Variants in PARPBP observed in about 807,000 individuals in gnomAD.
PARPBP encodes the protein PCNA-interacting partner.
PARPBP carries 52 observed loss-of-function variants against 50.0 expected under a neutral mutation model. The observed-to-expected ratio is 1.04, with a 90% confidence interval of 0.83 to 1.31. The LOEUF (loss-of-function observed/expected upper bound fraction) is 1.31. Among genes scored for constraint, PARPBP ranks in the 50% most tolerant of loss-of-function variants. PARPBP has a pLI of 0.00. For synonymous variants in PARPBP, 244 were observed against 232.1 expected, an observed-to-expected ratio of 1.05 and a Z score of -0.47; for missense variants, 697 against 672.0, an observed-to-expected ratio of 1.04 and a Z score of -0.41.
At chr12:102,157,950 C>T (rs553443394) in intron 4 of PARPBP, among the ~76,000 whole-genome samples, 1 of 151,846 alleles carries the variant, frequency 6.6e-6, no homozygotes, top group South Asian at 2.1e-4. Context: ...GAACCCTCGT[C>T]TCTACTAAAA....
intron 4 of PARPBP, among the ~76,000 whole-genome samples, chr12:102,155,838 C>T (rs984452956): frequency 6.6e-6 from 1 of 152,196 alleles, no homozygotes; most frequent in Non-Finnish European, 1.5e-5. Context: ...CCGCTGTGCT[C>T]CTGATCTAGC....
chr12:102,147,338 T>G (rs1285259630), intron 2 of PARPBP, among the ~76,000 whole-genome samples: 7 of 152,080 alleles, frequency 4.6e-5, no homozygotes, highest in Non-Finnish European at 7.4e-5. Context: ...AATGATAGAC[T>G]GGATTAAGAA....
intron 2 of PARPBP, among the ~76,000 whole-genome samples, chr12:102,133,156 AC>A (rs750833753): frequency 7.2e-5 from 11 of 151,918 alleles, no homozygotes; most frequent in Non-Finnish European, 1.3e-4. Flanking sequence ...TTACCTAACC[AC>A]TCTGGCTACA....
intron 2 of PARPBP, among the ~76,000 whole-genome samples, chr12:102,147,727 A>T (rs560284210): frequency 4.8e-5 from 7 of 145,272 alleles, no homozygotes; most frequent in East Asian, 1.9e-4. Flanking sequence ...ATAATAAAAT[A>T]AAAAAAATTA....
chr12:102,169,261 C>T (rs1888451404), intron 6 of PARPBP, among the ~76,000 whole-genome samples: 1 of 152,164 alleles, frequency 6.6e-6, no homozygotes, highest in South Asian at 2.1e-4. Context: ...ATACGTCATT[C>T]TCTTATTTTC....
At chr12:102,136,470 A>G (rs1214700278) in intron 2 of PARPBP, among the ~76,000 whole-genome samples, 1 of 152,226 alleles carries the variant, frequency 6.6e-6, no homozygotes, top group South Asian at 2.1e-4. Flanking sequence ...ACCCTGAAAA[A>G]CATTTAACCC....
At chr12:102,160,905 G>C (rs1371315808) in intron 4 of PARPBP, among the ~76,000 whole-genome samples, 1 of 151,454 alleles carries the variant, frequency 6.6e-6, no homozygotes, top group Non-Finnish European at 1.5e-5. Flanking sequence ...CCGAGATCGT[G>C]TCATTGCACT....
At chr12:102,163,071 T>C (rs1315999292) in intron 4 of PARPBP, among the ~76,000 whole-genome samples, 2 of 152,374 alleles carry the variant, frequency 1.3e-5, no homozygotes, top group South Asian at 2.1e-4. Context: ...GTTTTGCATA[T>C]GGATGACCAA....
At position 102,178,732 on chromosome 12, in the gene PARPBP, A is replaced by C; in HGVS notation, c.1146A>C (p.Thr382=). Residue 382 remains threonine, a synonymous_variant, in exon 8 of 11, where the codon ACA becomes ACC. Transcript: ENST00000327680. The part of the protein sequence containing the change: ...KAELLYDEEN[T]IHHHGTSILT... ...AGCTTTTATATGATGAGGAAAACAC[A>C]ATCCATCATCATGGAACGTCTATTC... The C allele has an allele frequency of 1.2e-6, 2 of 1,612,404 alleles. No homozygotes were observed. Among genetic ancestry groups the C allele is most frequent in the Non-Finnish European group, 1.7e-6 (2 of 1,179,078 alleles).
At chr12:102,183,670 CAT>C (rs1315857191) in intron 9 of PARPBP, among the ~76,000 whole-genome samples, 24 of 152,164 alleles carry the variant, frequency 1.6e-4, no homozygotes, top group African/African-American at 5.5e-4. Flanking sequence ...AGAAGTGTAA[CAT>C]ATCAAAAAAA....
At chr12:102,137,200 G>T (rs181444295) in intron 2 of PARPBP, among the ~76,000 whole-genome samples, 1 of 152,166 alleles carries the variant, frequency 6.6e-6, no homozygotes, top group Non-Finnish European at 1.5e-5. Flanking sequence ...TGATCCACCC[G>T]CCTCGGCCTC....
At chr12:102,134,238 CAAAA>C (rs771158918) in intron 2 of PARPBP, among the ~76,000 whole-genome samples, 3 of 91,334 alleles carry the variant, frequency 3.3e-5, no homozygotes, top group African/African-American at 1.2e-4. Context: ...AGAGAAGCCT[CAAAA>C]AAAAAAAAAA....
At chr12:102,165,702 A>T in intron 5 of PARPBP, 27 bp from the exon 6 acceptor site, 1 of 1,562,522 alleles carries the variant, frequency 6.4e-7, no homozygotes, top group East Asian at 2.2e-5. Flanking sequence ...CACTGGACAT[A>T]ACTTATCCGT....
At chr12:102,193,371 T>A (rs1034408430) in intron 9 of PARPBP, among the ~76,000 whole-genome samples, 24 of 152,068 alleles carry the variant, frequency 1.6e-4, no homozygotes, top group Admixed American at 1.6e-3. Context: ...GAATATTTTA[T>A]GGGTGGTGCT....
intron 9 of PARPBP, among the ~76,000 whole-genome samples, chr12:102,194,929 A>T (rs1891136074): frequency 6.6e-6 from 1 of 151,516 alleles, no homozygotes; most frequent in South Asian, 2.1e-4. Flanking sequence ...TAGGATGAAG[A>T]ACTTGTATTT....
chr12:102,165,599 T>A, intron 5 of PARPBP, 130 bp from the exon 6 acceptor site: 1 of 683,846 alleles, frequency 1.5e-6, no homozygotes. Flanking sequence ...TCAAAGTGTG[T>A]CATGAGCCAT....
chr12:102,165,885 TA>T lies in PARPBP; in HGVS notation c.821+4del. 6.6e-7 allele frequency: 1 copy of T among 1,514,562 alleles called. No homozygotes were observed. Among genetic ancestry groups the T allele is most frequent in the Non-Finnish European group, 9.1e-7 (1 of 1,099,334 alleles). 93.8% of individuals were successfully genotyped at this position (1,514,562 alleles called of 1,614,324 possible). A position where few individuals can be genotyped will look rare whatever the true frequency, so the allele number is the denominator to read the frequency against. ...TCTTGGAGAAATACCAAACCCAAGG[TA>T]ATGACTTTTCATATATTACAAATAT... On this transcript the variant is annotated splice_donor_region_variant and intron_variant, in intron 6 of 10. Transcript: ENST00000327680.
chr12:102,127,703 A>G (rs903494858), intron 2 of PARPBP, among the ~76,000 whole-genome samples: 6 of 152,192 alleles, frequency 3.9e-5, no homozygotes, highest in Non-Finnish European at 8.8e-5. Context: ...ATAGTGTGCA[A>G]TAATTAAATA....
At chr12:102,158,693 G>A (rs1887232036) in intron 4 of PARPBP, among the ~76,000 whole-genome samples, 1 of 144,208 alleles carries the variant, frequency 6.9e-6, no homozygotes, top group African/African-American at 2.6e-5. Context: ...TTTCTCGGTG[G>A]CGCTTAAGCA....
Sources: gnomAD v4.1 joint callset for allele counts (sites outside exome capture counted in the v4.1 genomes callset) on GRCh38, gnomAD v4.1.1 for gene constraint, MANE v1.5 for transcripts, NCBI Gene and HGNC (gene_info 2026-07-23, HGNC 2026-07-21) for gene names.